SMARCAL1: variants seen among roughly 807,000 people sequenced by gnomAD.
SMARCAL1 encodes SNF2 related chromatin remodeling annealing helicase 1.
In SMARCAL1, 58 loss-of-function variants were observed where a neutral mutation model predicts 94.5. That is an observed-to-expected ratio of 0.61 (90% CI 0.50 to 0.76). The LOEUF (loss-of-function observed/expected upper bound fraction) is 0.76. SMARCAL1 is among the 30% of genes least tolerant of loss of function. The pLI, the probability that SMARCAL1 is intolerant of heterozygous loss-of-function variation, is 0.00. For synonymous variants in SMARCAL1, 422 were observed against 455.1 expected (o/e 0.93, Z 0.93); for missense variants, 1,051 against 1,177.9 (o/e 0.89, Z 1.58).
At chr2:216,472,139 G>A (rs968943046) in intron 14 of SMARCAL1, among the ~76,000 whole-genome samples, 7 of 152,176 alleles carry the variant, frequency 4.6e-5, no homozygotes, top group Admixed American at 3.3e-4. Context: ...CAGATCACCC[G>A]AGGTTAGGAA....
At chr2:216,446,770 G>A in intron 10 of SMARCAL1, 1 of 635,412 alleles carries the variant, frequency 1.6e-6, no homozygotes, top group South Asian at 1.5e-5. Context: ...TAACAAGGGA[G>A]ACAGAAAAGT....
At chr2:216,425,442 C>A (rs1693811244) in intron 6 of SMARCAL1, among the ~76,000 whole-genome samples, 1 of 152,208 alleles carries the variant, frequency 6.6e-6, no homozygotes, top group African/African-American at 2.4e-5. Context: ...GGTGTTACAG[C>A]ATGTTACAGC....
intron 13 of SMARCAL1, 73 bp from the exon 14 acceptor site, chr2:216,467,871 A>G: frequency 2.2e-6 from 2 of 919,840 alleles, no homozygotes; most frequent in South Asian, 1.3e-5. Flanking sequence ...AGAATGTTTC[A>G]GTAACATACC....
chr2:216,477,372 T>G (rs1695108270), intron 16 of SMARCAL1, among the ~76,000 whole-genome samples, 163 bp downstream of exon 16: 1 of 152,170 alleles, frequency 6.6e-6, no homozygotes, highest in South Asian at 2.1e-4. Flanking sequence ...CATGACCATA[T>G]TTGGCCTCCC....
At chr2:216,457,817 G>A (rs748424397) in intron 12 of SMARCAL1, among the ~76,000 whole-genome samples, 19 of 152,038 alleles carry the variant, frequency 1.2e-4, no homozygotes, top group Non-Finnish European at 2.4e-4. Flanking sequence ...ACAGCAGAAG[G>A]CAAGAAATAA....
intron 17 of SMARCAL1, among the ~76,000 whole-genome samples, chr2:216,480,240 G>T (rs868851353): frequency 6.6e-6 from 1 of 152,054 alleles, no homozygotes; most frequent in South Asian, 2.1e-4. Context: ...TTAAGATGGG[G>T]CTGAAAATTT....
At chr2:216,451,158 C>A (rs1370073614) in intron 12 of SMARCAL1, 94 bp downstream of exon 12, 1 of 1,013,682 alleles carries the variant, frequency 9.9e-7, no homozygotes, top group Non-Finnish European at 1.5e-6. Flanking sequence ...ATTCTCTCAG[C>A]TTTCCTTTCT....
Position 216,447,845 on chromosome 2 carries a change from A to G in SMARCAL1, c.1851+687A>G, listed in dbSNP as rs1168263732. Reference sequence around the variant, plus strand: ...GCCCTGTAAACACCAATGCATTGCCATGGAACCCTTGTTTTTAAAACCACA... The same window carrying G: ...GCCCTGTAAACACCAATGCATTGCCGTGGAACCCTTGTTTTTAAAACCACA... On this transcript the variant is annotated intron_variant, in intron 11 of 17. Transcript: ENST00000357276. Among the ~76,000 whole-genome samples the G allele has an allele frequency of 2.0e-5, 3 of 152,118 alleles. No homozygotes were observed. In the South Asian group the frequency reaches 6.2e-4, roughly 32 times the overall value.
chr2:216,419,789 G>T (rs1693674208), intron 4 of SMARCAL1, among the ~76,000 whole-genome samples: 1 of 151,972 alleles, frequency 6.6e-6, no homozygotes, highest in Non-Finnish European at 1.5e-5. Flanking sequence ...CAGCACTTCG[G>T]GAGGCTAAGG....
chr2:216,428,555 C>T, intron 6 of SMARCAL1, 41 bp from the exon 7 acceptor site: 1 of 1,593,900 alleles, frequency 6.3e-7, no homozygotes, highest in Non-Finnish European at 8.6e-7. Context: ...ATCTTTTGGG[C>T]ATGAACACTC....
intron 17 of SMARCAL1, among the ~76,000 whole-genome samples, chr2:216,481,976 A>G (rs1450914518): frequency 1.3e-5 from 2 of 152,218 alleles, no homozygotes; most frequent in Admixed American, 6.5e-5. Flanking sequence ...TCCACTGGGC[A>G]TGGTTTTAAC....
intron 14 of SMARCAL1, among the ~76,000 whole-genome samples, chr2:216,470,193 C>A (rs986906151): frequency 6.6e-6 from 1 of 152,036 alleles, no homozygotes; most frequent in Admixed American, 6.6e-5. Context: ...CTCCGTTGCC[C>A]GGGCTGGAGT....
chr2:216,441,938 A>C (rs1694206115), intron 10 of SMARCAL1, among the ~76,000 whole-genome samples: 1 of 152,200 alleles, frequency 6.6e-6, no homozygotes, highest in East Asian at 1.9e-4. Context: ...ACAAAATTAA[A>C]AATTTTTCAA....
chr2:216,420,330 C>T lies in SMARCAL1; in HGVS notation c.894C>T (p.Asn298=). 1 of 1,614,160 alleles carries T rather than the reference C, an allele frequency of 6.2e-7. No individual in the cohort carries two copies. Among genetic ancestry groups the T allele is most frequent in the Non-Finnish European group, 8.5e-7 (1 of 1,180,020 alleles). The change falls in exon 5 of 18, where the codon AAC becomes AAT. Residue 298 remains asparagine (N), a synonymous_variant. Coordinates refer to ENST00000357276, the MANE Select transcript of SMARCAL1 (RefSeq NM_014140.4). ...CAGCCCAGAGCCTCCCCACGGTCAA[C>T]CTGCAGCCTCTGGAATGGGCCTATG... is the stretch of plus-strand genomic sequence containing the variant. ...MKAAQSLPTV[N]LQPLEWAYGS...
intron 5 of SMARCAL1, among the ~76,000 whole-genome samples, chr2:216,422,956 A>G (rs535183086): frequency 6.6e-6 from 1 of 152,384 alleles, no homozygotes; most frequent in South Asian, 2.1e-4. Flanking sequence ...ACAATAATTC[A>G]TAATAACTGG....
At chr2:216,458,029 A>G (rs1274367186) in intron 12 of SMARCAL1, among the ~76,000 whole-genome samples, 2 of 152,182 alleles carry the variant, frequency 1.3e-5, no homozygotes, top group Admixed American at 6.5e-5. Context: ...CAGAAATACA[A>G]ACTACCATCA....
At chr2:216,480,049 C>G (rs1695163799) in intron 17 of SMARCAL1, among the ~76,000 whole-genome samples, 2 of 151,980 alleles carry the variant, frequency 1.3e-5, no homozygotes, top group South Asian at 2.1e-4. Context: ...CAGACCTTGT[C>G]TCAAAAAAGA....
At chr2:216,440,357 C>T (rs1694170558) in intron 10 of SMARCAL1, among the ~76,000 whole-genome samples, 1 of 152,138 alleles carries the variant, frequency 6.6e-6, no homozygotes, top group Non-Finnish European at 1.5e-5. Flanking sequence ...GTAGTCATTG[C>T]CTGGCTGGGC....
chr2:216,455,406 A>G (rs1694542167), intron 12 of SMARCAL1, among the ~76,000 whole-genome samples: 1 of 152,238 alleles, frequency 6.6e-6, no homozygotes, highest in South Asian at 2.1e-4. Context: ...TGCCTCCTCA[A>G]GTGGGTCCCT....
Sources: gnomAD v4.1 joint callset for allele counts (sites outside exome capture counted in the v4.1 genomes callset) on GRCh38, gnomAD v4.1.1 for gene constraint, MANE v1.5 for transcripts, NCBI Gene and HGNC (gene_info 2026-07-23, HGNC 2026-07-21) for gene names.